Variants in LRFN4 observed in about 807,000 individuals in gnomAD.
LRFN4 encodes the protein leucine-rich repeat and fibronectin type-III domain-containing protein 4.
Under a neutral mutation model 29.0 loss-of-function variants are expected in LRFN4, and 10 were observed. The ratio of observed to expected loss-of-function variants is 0.35; its 90% CI spans 0.21 to 0.59. LRFN4 has a LOEUF of 0.59. LRFN4 is among the 20% of genes least tolerant of loss of function. LRFN4 has a pLI of 0.82. For synonymous variants in LRFN4, 493 were observed against 437.0 expected (o/e 1.13, Z -1.60); for missense variants, 850 against 907.9 (o/e 0.94, Z 0.82).
Position 66,857,476 on chromosome 11 carries a change from C to T in LRFN4, c.-269C>T. Reference sequence around the variant, plus strand: ...CGGGACCCTCCCTGCTCTCGGTCCTCCTCCGCTTCCTGCCTCATGCCTCAC... The same window carrying T: ...CGGGACCCTCCCTGCTCTCGGTCCTTCTCCGCTTCCTGCCTCATGCCTCAC... On this transcript the variant is annotated 5_prime_UTR_variant, in exon 1 of 2. Coordinates refer to ENST00000309602, the MANE Select transcript of LRFN4 (RefSeq NM_024036.5). This position sits in a 1 kb window ranked among gnomAD's most constrained non-coding sequence, Gnocchi z 7.1. 2.2e-6 allele frequency: 1 copy of T among 447,190 alleles called. No individual in the cohort carries two copies. The highest frequency in any genetic ancestry group is 3.9e-6 in the Non-Finnish European group (1 of 253,908). The allele number at this position is 447,190 out of a possible 1,614,324, so 27.7% of individuals were successfully genotyped here.
At chr11:66,859,128 C>G (rs373973686) in intron 1 of LRFN4, 35 bp downstream of exon 1, 1 of 1,474,972 alleles carries the variant, frequency 6.8e-7, no homozygotes, top group Non-Finnish European at 9.0e-7. Flanking sequence ...GCTGCACTCC[C>G]GGCGCCCTTC....
At position 66,858,898 on chromosome 11, in the gene LRFN4, G is replaced by A; in HGVS notation, c.1154G>A (p.Gly385Glu). ...GNSSAEGGRP[G>E]PSDIAASART... is the part of the protein sequence containing the mutation. ...AGCAGTGCCGAGGGGGGCCGCCCCG[G>A]GCCCTCGGACATCGCCGCCTCCGCT... The change falls in exon 1 of 2, where the codon GGG becomes GAG. Residue 385 changes from glycine (G) to glutamate (E), a missense_variant. Gly to Glu is a moderately conservative substitution (Grantham distance 98). Transcript: ENST00000309602. This position sits in a 1 kb window ranked among gnomAD's most constrained non-coding sequence, Gnocchi z 5.9. The A allele has an allele frequency of 1.3e-6, 2 of 1,563,202 alleles. No individual in the cohort carries two copies. The highest frequency in any genetic ancestry group is 1.4e-5 in the African/African-American group (1 of 73,658).
rs1399791050 is a variant in LRFN4 at position 66,857,211 on chromosome 11, C to A, written c.-534C>A. 1.3e-5 allele frequency: 2 copies of A among 149,518 alleles called. No individual in the cohort carries two copies. The highest frequency in any genetic ancestry group is 3.0e-5 in the Non-Finnish European group (2 of 67,094). The allele number at this position is 149,518 out of a possible 1,614,324, so 9.3% of individuals were successfully genotyped here. A position where few individuals can be genotyped will look rare whatever the true frequency, so the allele number is the denominator to read the frequency against. On this transcript the variant is annotated 5_prime_UTR_variant, in exon 1 of 2. Coordinates refer to ENST00000309602, the MANE Select transcript of LRFN4 (RefSeq NM_024036.5). The surrounding 1 kb of genome is among the most constrained non-coding windows in gnomAD (Gnocchi z 7.1). ...GCGGCCGGTCATCCCCGGGCCTCGT[C>A]CCCGCGGGAGAGCGGCCAGGAGTCG...
In LRFN4 at chr11:66,858,715, A is replaced by T; in HGVS notation, c.971A>T (p.Asn324Ile). The T allele has an allele frequency of 6.5e-7, 1 of 1,550,056 alleles. No individual in the cohort carries two copies. Among genetic ancestry groups the T allele is most frequent in the Non-Finnish European group, 8.7e-7 (1 of 1,145,484 alleles). Residue 324 changes from asparagine to isoleucine, a missense_variant, in exon 1 of 2, where the codon AAC (asparagine) becomes ATC (isoleucine). Physicochemically the swap from Asn to Ile is moderately radical, Grantham distance 149. Transcript: ENST00000309602. This position sits in a 1 kb window ranked among gnomAD's most constrained non-coding sequence, Gnocchi z 5.9. ...GGTCCTGACGACCGGTTGGTTGGCA[A>T]CTCCTCCCGAGCCCGGGCTTTCCCC... is the stretch of plus-strand genomic sequence containing the variant. ...WVGPDDRLVG[N>I]SSRARAFPNG...
At position 66,860,087 on chromosome 11, in the gene LRFN4, G is replaced by A. The variant is rs1946157312; in HGVS notation, c.1800G>A (p.Leu600=). Residue 600 remains leucine (L), a synonymous_variant, in exon 2 of 2, where the codon CTG becomes CTA. Transcript: ENST00000309602. ...DAGCYGYARR[L]GGAWARRSHS... Reference sequence around the variant, plus strand: ...GGTGCTACGGTTATGCCAGGCGCCTGGGAGGAGCTTGGGCCCGACGGAGCC... The same window carrying A: ...GGTGCTACGGTTATGCCAGGCGCCTAGGAGGAGCTTGGGCCCGACGGAGCC... 3 of 1,555,098 alleles carry A rather than the reference G, an allele frequency of 1.9e-6. No homozygotes were observed. Among genetic ancestry groups the A allele is most frequent in the African/African-American group, 1.4e-5 (1 of 73,250 alleles).
At position 66,860,332 on chromosome 11, in the gene LRFN4, G is replaced by A. The variant is rs776053966; in HGVS notation, c.*137G>A. The A allele has an allele frequency of 1.5e-6, 2 of 1,304,168 alleles. No homozygotes were observed. The highest frequency in any genetic ancestry group is 2.5e-5 in the South Asian group (2 of 79,580). 80.8% of individuals were successfully genotyped at this position (1,304,168 alleles called of 1,614,324 possible). A position where few individuals can be genotyped will look rare whatever the true frequency, so the allele number is the denominator to read the frequency against. On this transcript the variant is annotated 3_prime_UTR_variant, in exon 2 of 2. Transcript: ENST00000309602. ...GCTCCCCTGTGTACTTGGAGGGGCAGGGAGCCCTTTCCTCGGTTCTGGCCT... is the reference window on the plus strand; with the variant it reads ...GCTCCCCTGTGTACTTGGAGGGGCAAGGAGCCCTTTCCTCGGTTCTGGCCT...
chr11:66,858,739 C>T lies in LRFN4; in HGVS notation c.995C>T (p.Pro332Leu). ...VGNSSRARAF[P>L]NGTLEIGVTG... is the part of the protein sequence containing the mutation. ...AACTCCTCCCGAGCCCGGGCTTTCCCCAACGGGACCTTAGAGATTGGGGTG... is the reference window on the plus strand; with the variant it reads ...AACTCCTCCCGAGCCCGGGCTTTCCTCAACGGGACCTTAGAGATTGGGGTG... Residue 332 changes from proline (P) to leucine (L), a missense_variant, in exon 1 of 2, where the codon CCC (proline) becomes CTC (leucine). Physicochemically the swap from Pro to Leu is moderately conservative, Grantham distance 98. Around this residue, in one of 2 missense-constraint regions of LRFN4, gnomAD observed 744 missense variants for 753.8 expected, o/e 0.99. Coordinates refer to ENST00000309602, the MANE Select transcript of LRFN4 (RefSeq NM_024036.5). This position sits in a 1 kb window ranked among gnomAD's most constrained non-coding sequence, Gnocchi z 5.9. 6.4e-7 allele frequency: 1 copy of T among 1,553,196 alleles called. No homozygotes were observed. Among genetic ancestry groups the T allele is most frequent in the Non-Finnish European group, 8.7e-7 (1 of 1,148,050 alleles).
Position 66,858,769 on chromosome 11 carries a change from G to A in LRFN4, c.1025G>A (p.Gly342Asp), listed in dbSNP as rs1197393989. 1.9e-6 allele frequency: 3 copies of A among 1,551,424 alleles called. No individual in the cohort carries two copies. The highest frequency in any genetic ancestry group is 1.7e-6 in the Non-Finnish European group (2 of 1,147,924). ...GGGACCTTAGAGATTGGGGTGACCG[G>A]CGCTGGGGACGCTGGGGGCTACACC... ...PNGTLEIGVTGAGDAGGYTCI... is the reference protein window; with the variant it reads ...PNGTLEIGVTDAGDAGGYTCI... The change falls in exon 1 of 2, where the codon GGC becomes GAC. Residue 342 changes from glycine (G) to aspartate (D), a missense_variant. Transcript: ENST00000309602. The surrounding 1 kb of genome is among the most constrained non-coding windows in gnomAD (Gnocchi z 5.9).
At position 66,858,439 on chromosome 11, in the gene LRFN4, G is replaced by A. The variant is rs1946012291; in HGVS notation, c.695G>A (p.Ser232Asn). 3 of 1,552,892 alleles carry A rather than the reference G, an allele frequency of 1.9e-6. No homozygotes were observed. The highest frequency in any genetic ancestry group is 2.6e-6 in the Non-Finnish European group (3 of 1,155,466). Residue 232 changes from serine (S) to asparagine (N), a missense_variant, in exon 1 of 2, where the codon AGC becomes AAC. Transcript: ENST00000309602. This position sits in a 1 kb window ranked among gnomAD's most constrained non-coding sequence, Gnocchi z 5.9. ...ASPAPLVLSFSGNPLHCNCEL... is the reference protein window; with the variant it reads ...ASPAPLVLSFNGNPLHCNCEL... Reference sequence around the variant, plus strand: ...CCCGCCCCCCTGGTGCTGAGCTTTAGCGGGAACCCCCTGCACTGCAACTGT... The same window carrying A: ...CCCGCCCCCCTGGTGCTGAGCTTTAACGGGAACCCCCTGCACTGCAACTGT...
In LRFN4 at chr11:66,857,714, G is replaced by C; in HGVS notation, c.-31G>C. On this transcript the variant is annotated 5_prime_UTR_variant, in exon 1 of 2. Coordinates refer to ENST00000309602, the MANE Select transcript of LRFN4 (RefSeq NM_024036.5). The surrounding 1 kb of genome is among the most constrained non-coding windows in gnomAD (Gnocchi z 7.1). Reference sequence around the variant, plus strand: ...CCTGCGCCAGCCCCACCTGTGCCTGGGCTGTGGCCCCTTCCTACAGGGCGC... The same window carrying C: ...CCTGCGCCAGCCCCACCTGTGCCTGCGCTGTGGCCCCTTCCTACAGGGCGC... The C allele has an allele frequency of 6.4e-7, 1 of 1,568,410 alleles. No individual in the cohort carries two copies. Among genetic ancestry groups the C allele is most frequent in the Non-Finnish European group, 8.6e-7 (1 of 1,162,668 alleles).
Position 66,859,546 on chromosome 11 carries a change from G to A in LRFN4, c.1350-91G>A, listed in dbSNP as rs1266705237. On this transcript the variant is annotated intron_variant, in intron 1 of 1. Transcript: ENST00000309602. Reference sequence around the variant, plus strand: ...AAGAGCCCGAGTGGCCCCAGGGGGAGGGGTGTTTGGAGCTGGGAGCACGGG... The same window carrying A: ...AAGAGCCCGAGTGGCCCCAGGGGGAAGGGTGTTTGGAGCTGGGAGCACGGG... 4 of 1,569,050 alleles carry A rather than the reference G, an allele frequency of 2.5e-6. No homozygotes were observed. The East Asian group carries it at 6.7e-5, about 26-fold the overall frequency.
Position 66,859,771 on chromosome 11 carries a change from C to A in LRFN4, c.1484C>A (p.Ala495Asp). ...DLTATRLLGCAHFSTLPASPL... is the reference protein window; with the variant it reads ...DLTATRLLGCDHFSTLPASPL... ...ACGGCCACCAGGCTGCTGGGCTGTG[C>A]CCATTTCTCCACGCTGCCGGCCTCG... Residue 495 changes from alanine (A) to aspartate (D), a missense_variant, in exon 2 of 2, where the codon GCC (alanine) becomes GAC (aspartate). Transcript: ENST00000309602. 1 of 1,605,684 alleles carries A rather than the reference C, an allele frequency of 6.2e-7. No individual in the cohort carries two copies. Among genetic ancestry groups the A allele is most frequent in the South Asian group, 1.1e-5 (1 of 89,930 alleles).
chr11:66,860,406 G>A lies in LRFN4; in HGVS notation c.*211G>A, dbSNP rs764269401. On this transcript the variant is annotated 3_prime_UTR_variant, in exon 2 of 2. Transcript: ENST00000309602. ...CCTCCAACAGGTGCTCACAGCCACC[G>A]AGGCAGGGGCTGCAGCCACCCACTG... 3.2e-5 allele frequency: 24 copies of A among 743,900 alleles called. No homozygotes were observed. Among genetic ancestry groups the A allele is most frequent in the Non-Finnish European group, 4.5e-5 (19 of 422,874 alleles). The allele number at this position is 743,900 out of a possible 1,614,324, so 46.1% of individuals were successfully genotyped here.
rs1946028912 is a variant in LRFN4, at chr11:66,858,606, C to CGCG, written c.862_863insGCG (p.Gln288delinsArgGlu). The stretch of plus-strand genomic sequence containing the variant: ...GCCGCCCCTCATTGCCCGCCACACG[C>CGCG]AGCGCCTCTGGGTGCTGGAAGGCCA... On this transcript the variant is annotated protein_altering_variant, in exon 1 of 2. Transcript: ENST00000309602. This position sits in a 1 kb window ranked among gnomAD's most constrained non-coding sequence, Gnocchi z 5.9. 1.3e-6 allele frequency: 2 copies of CGCG among 1,535,254 alleles called. No homozygotes were observed. The highest frequency in any genetic ancestry group is 2.0e-5 in the Admixed American group (1 of 50,948).
At position 66,858,890 on chromosome 11, in the gene LRFN4, C is replaced by A; in HGVS notation, c.1146C>A (p.Gly382=). 2 of 1,554,578 alleles carry A rather than the reference C, an allele frequency of 1.3e-6. No individual in the cohort carries two copies. Among genetic ancestry groups the A allele is most frequent in the Non-Finnish European group, 1.7e-6 (2 of 1,149,512 alleles). ...GTGGGAACAGCAGTGCCGAGGGGGGCCGCCCCGGGCCCTCGGACATCGCCG... is the reference window on the plus strand; with the variant it reads ...GTGGGAACAGCAGTGCCGAGGGGGGACGCCCCGGGCCCTCGGACATCGCCG... ...PHGGNSSAEG[G]RPGPSDIAAS... is the part of the protein sequence containing the mutation. Residue 382 remains glycine (G), a synonymous_variant, in exon 1 of 2, where the codon GGC becomes GGA. Coordinates refer to ENST00000309602, the MANE Select transcript of LRFN4 (RefSeq NM_024036.5). The surrounding 1 kb of genome is among the most constrained non-coding windows in gnomAD (Gnocchi z 5.9).
Position 66,859,941 on chromosome 11 carries a change from A to C in LRFN4, c.1654A>C (p.Lys552Gln), listed in dbSNP as rs1946141119. The C allele has an allele frequency of 1.3e-6, 2 of 1,593,690 alleles. No individual in the cohort carries two copies. The highest frequency in any genetic ancestry group is 1.7e-6 in the Non-Finnish European group (2 of 1,170,590). The change falls in exon 2 of 2, where the codon AAG (lysine) becomes CAG (glutamine). Residue 552 changes from lysine (K) to glutamine (Q), a missense_variant. By Grantham distance (53) the Lys-to-Gln change is moderately conservative. Transcript: ENST00000309602. Reference sequence around the variant, plus strand: ...GGCCGGAAATGGCCGCCTCCCCCTCAAGCTCAGCCACGTCCAGTCCCAGAC... The same window carrying C: ...GGCCGGAAATGGCCGCCTCCCCCTCCAGCTCAGCCACGTCCAGTCCCAGAC... ...RGAGNGRLPL[K>Q]LSHVQSQTNG...
rs1946116997 is a variant in LRFN4 at position 66,859,649 on chromosome 11, C to G, written c.1362C>G (p.Ala454=). ...CCCTTGCCTGCAGGATTGTCCCAGCCTCCAGCCACCACTTCCTGCTGAAGC... is the reference window on the plus strand; with the variant it reads ...CCCTTGCCTGCAGGATTGTCCCAGCGTCCAGCCACCACTTCCTGCTGAAGC... ...DETLIYRIVP[A]SSHHFLLKHL... The change falls in exon 2 of 2, where the codon GCC becomes GCG. Residue 454 remains alanine (A), a synonymous_variant. Transcript: ENST00000309602. The G allele has an allele frequency of 1.2e-6, 2 of 1,612,962 alleles. No homozygotes were observed. The highest frequency in any genetic ancestry group is 4.5e-5 in the East Asian group (2 of 44,866).
chr11:66,859,426 C>T (rs1271902320), intron 1 of LRFN4, among the ~76,000 whole-genome samples: 1 of 152,218 alleles, frequency 6.6e-6, no homozygotes, highest in Non-Finnish European at 1.5e-5. Context: ...GCCATCCCCC[C>T]ACCCCATTCC....
At position 66,858,484 on chromosome 11, in the gene LRFN4, G is replaced by A; in HGVS notation, c.740G>A (p.Arg247Gln). 1 of 1,540,572 alleles carries A rather than the reference G, an allele frequency of 6.5e-7. No individual in the cohort carries two copies. The highest frequency in any genetic ancestry group is 8.7e-7 in the Non-Finnish European group (1 of 1,149,482). ...AACTGTGAGCTGCTGTGGCTGCGGC[G>A]GCTGGCGCGGCCGGACGACCTGGAA... The part of the protein sequence containing the change: ...HCNCELLWLR[R>Q]LARPDDLETC... The change falls in exon 1 of 2, where the codon CGG becomes CAG. Residue 247 changes from arginine to glutamine, a missense_variant. Arg to Gln is a conservative substitution (Grantham distance 43). Coordinates refer to ENST00000309602, the MANE Select transcript of LRFN4 (RefSeq NM_024036.5). This position sits in a 1 kb window ranked among gnomAD's most constrained non-coding sequence, Gnocchi z 5.9.
Sources: allele counts gnomAD v4.1 joint callset (sites outside exome capture counted in the v4.1 genomes callset), GRCh38; gene constraint gnomAD v4.1.1; regional missense constraint gnomAD v4.1.1; non-coding constraint Gnocchi (gnomAD v3.1); transcripts MANE v1.5; gene names NCBI Gene and HGNC (gene_info 2026-07-23, HGNC 2026-07-21).